TSPAN6: variants seen among roughly 807,000 people sequenced by gnomAD.
TSPAN6 encodes the protein tetraspanin 6, also known as tetraspanin-6.
A neutral mutation model predicts 18.0 loss-of-function variants in TSPAN6; 13 were observed. The observed-to-expected ratio is 0.72, with a 90% CI of 0.47 to 1.15. The LOEUF (loss-of-function observed/expected upper bound fraction) is 1.15, where lower values mean the gene tolerates loss of function less well. TSPAN6 is among the 50% of genes most tolerant of loss of function. The pLI is 0.00. For synonymous variants in TSPAN6, 82 were observed against 67.0 expected, an observed-to-expected ratio of 1.22 and a Z score of -1.09; for missense variants, 186 against 183.9, an observed-to-expected ratio of 1.01 and a Z score of -0.07.
intron 7 of TSPAN6, among the ~76,000 whole-genome samples, chrX:100,630,404 TAAG>T (rs1413953955): frequency 8.9e-6 from 1 of 111,965 alleles, no homozygotes; most frequent in Non-Finnish European, 1.9e-5. Context: ...ACCTCACGAA[TAAG>T]GTCATTCTTG....
chrX:100,633,244 G>A (rs2083072151), intron 5 of TSPAN6, among the ~76,000 whole-genome samples, 161 bp downstream of exon 5: 2 of 111,578 alleles, frequency 1.8e-5, no homozygotes, highest in African/African-American at 6.5e-5. Flanking sequence ...GCGTGAACCT[G>A]GAAGGCGGAG....
At chrX:100,634,871 C>T (rs2083084037) in intron 3 of TSPAN6, among the ~76,000 whole-genome samples, 1 of 111,936 alleles carries the variant, frequency 8.9e-6, no homozygotes, top group Non-Finnish European at 1.9e-5. Context: ...AGAAGGTTAT[C>T]AATTTTGTGC....
At position 100,633,424 on chromosome X, in the gene TSPAN6, G is replaced by A. The variant is rs2083073475; in HGVS notation, c.566C>T (p.Ala189Val). 1 of 1,208,655 alleles carries A rather than the reference G, an allele frequency of 8.3e-7. No homozygotes were observed. Among genetic ancestry groups the A allele is most frequent in the Non-Finnish European group, 1.1e-6 (1 of 893,819 alleles). Reference protein sequence around the residue: ...KLEDCTPQRDADKVNNEGCFI... With the variant: ...KLEDCTPQRDVDKVNNEGCFI... ...CCTTACTTCATTGTTTACTTTGTCT[G>A]CATCTCTCTGTGGAGTACAATCTTC... The change falls in exon 5 of 8, where the codon GCA becomes GTA. Residue 189 changes from alanine (A) to valine (V), a missense_variant. Physicochemically the swap from Ala to Val is moderately conservative, Grantham distance 64. Coordinates refer to ENST00000373020, the MANE Select transcript of TSPAN6 (RefSeq NM_003270.4).
intron 5 of TSPAN6, 108 bp downstream of exon 5, chrX:100,633,297 C>A: frequency 1.2e-6 from 1 of 806,260 alleles, no homozygotes; most frequent in Non-Finnish European, 1.8e-6. Context: ...CCAGCCTGGG[C>A]GACAGAGCAA....
At position 100,629,989 on chromosome X, in the gene TSPAN6, A is replaced by T; in HGVS notation, c.*40-3T>A. ...TCACAGGGGGGACCCTAAATGTCCT[A>T]AAATTAAAGAAAAAAAGTTAATGTA... is the stretch of plus-strand genomic sequence containing the variant. On this transcript the variant is annotated splice_polypyrimidine_tract_variant and splice_region_variant and intron_variant, in intron 7 of 7. Transcript: ENST00000373020. 1 of 751,559 alleles carries T rather than the reference A, an allele frequency of 1.3e-6. No individual in the cohort carries two copies. Among genetic ancestry groups the T allele is most frequent in the African/African-American group, 2.3e-5 (1 of 43,673 alleles). 61.9% of individuals were successfully genotyped at this position (751,559 alleles called of 1,213,427 possible).
At chrX:100,635,842 A>G in intron 1 of TSPAN6, 96 bp from the exon 2 acceptor site, 1 of 696,452 alleles carries the variant, frequency 1.4e-6, no homozygotes, top group East Asian at 3.9e-5. Context: ...CAATAGGTGT[A>G]ATATGCTGGG....
rs747914952 is a variant in TSPAN6 at position 100,632,503 on chromosome X, A to G, written c.651T>C (p.Phe217=). 1.7e-6 allele frequency: 2 copies of G among 1,207,566 alleles called. No individual in the cohort carries two copies. Among genetic ancestry groups the G allele is most frequent in the Admixed American group, 4.4e-5 (2 of 45,642 alleles). Residue 217 remains phenylalanine (F), a synonymous_variant, in exon 6 of 8, where the codon TTT becomes TTC. Transcript: ENST00000373020. ...SEMGVVAGIS[F]GVACFQLIGI... ...AACTTACTTGGAAGCAAGCAACTCC[A>G]AAGGAAATTCCTGCAACGACTCCCA...
Position 100,630,814 on chromosome X carries a change from T to C in TSPAN6, c.722A>G (p.Gln241Arg). 8.3e-7 allele frequency: 1 copy of C among 1,211,019 alleles called. No individual in the cohort carries two copies. Among genetic ancestry groups the C allele is most frequent in the African/African-American group, 1.7e-5 (1 of 57,868 alleles). ...YCLSRAITNN[Q>R]YEIV ...TACATTGGGTTACACTATCTCATACTGGTTATTTGTTATGGCACGAGAGAG... is the reference window on the plus strand; with the variant it reads ...TACATTGGGTTACACTATCTCATACCGGTTATTTGTTATGGCACGAGAGAG... Residue 241 changes from glutamine (Q) to arginine (R), a missense_variant, in exon 7 of 8, where the codon CAG becomes CGG. Gln to Arg is a conservative substitution (Grantham distance 43). Transcript: ENST00000373020.
At chrX:100,631,105 G>GT (rs2083056472) in intron 6 of TSPAN6, among the ~76,000 whole-genome samples, 1 of 111,683 alleles carries the variant, frequency 9.0e-6, no homozygotes, top group South Asian at 3.7e-4. Flanking sequence ...ACTCACTCAA[G>GT]GAAAATTCAG....
chrX:100,629,307 T>C lies in TSPAN6; in HGVS notation c.*719A>G, dbSNP rs1473888692. ...ATGTAAGTTGTGTGCTGAAACCTGA[T>C]GTATCACAGAACATCAGTAGTCCCT... On this transcript the variant is annotated 3_prime_UTR_variant, in exon 8 of 8. Transcript: ENST00000373020. 3 of 112,001 alleles carry C rather than the reference T, an allele frequency of 2.7e-5. No individual in the cohort carries two copies. The highest frequency in any genetic ancestry group is 5.6e-4 in the East Asian group (2 of 3,588). 9.2% of individuals were successfully genotyped at this position (112,001 alleles called of 1,213,427 possible).
chrX:100,630,694 G>T, intron 7 of TSPAN6, 65 bp downstream of exon 7: 1 of 802,908 alleles, frequency 1.2e-6, no homozygotes, highest in Non-Finnish European at 1.8e-6. Flanking sequence ...CTTAGTCCAT[G>T]CATCACATAC....
At position 100,635,607 on chromosome X, in the gene TSPAN6, G is replaced by A; in HGVS notation, c.227C>T (p.Thr76Ile). 8.3e-7 allele frequency: 1 copy of A among 1,201,928 alleles called. No homozygotes were observed. The highest frequency in any genetic ancestry group is 1.1e-6 in the Non-Finnish European group (1 of 889,594). ...TCGGCAGGTAGCAAAACAACCAAAG[G>A]TGCCCAAAAGAATAATGACGGTACC... ...ATGTVIILLG[T>I]FGCFATCRAS... The change falls in exon 2 of 8, where the codon ACC becomes ATC. Residue 76 changes from threonine (T) to isoleucine (I), a missense_variant. Thr to Ile is a moderately conservative substitution (Grantham distance 89). Transcript: ENST00000373020.
At chrX:100,634,520 C>T (rs1317800405) in intron 3 of TSPAN6, among the ~76,000 whole-genome samples, 1 of 109,565 alleles carries the variant, frequency 9.1e-6, no homozygotes, top group East Asian at 2.9e-4. Flanking sequence ...GAGATGGAGT[C>T]TCGCTCTGCT....
rs1448961280 is a variant in TSPAN6 at position 100,629,877 on chromosome X, C to T, written c.*149G>A. 9 of 452,239 alleles carry T rather than the reference C, an allele frequency of 2.0e-5. No individual in the cohort carries two copies. Among genetic ancestry groups the T allele is most frequent in the Non-Finnish European group, 2.5e-5 (9 of 364,675 alleles). The allele number at this position is 452,239 out of a possible 1,213,427, so 37.3% of individuals were successfully genotyped here. A position where few individuals can be genotyped will look rare whatever the true frequency, so the allele number is the denominator to read the frequency against. On this transcript the variant is annotated 3_prime_UTR_variant, in exon 8 of 8. Coordinates refer to ENST00000373020, the MANE Select transcript of TSPAN6 (RefSeq NM_003270.4). ...ATTGGTGTAGTTTTAGGTCTACATA[C>T]ATCTTGATTGAATCAACCTACTGGT...
At position 100,634,027 on chromosome X, in the gene TSPAN6, A is replaced by C. The variant is rs983358336; in HGVS notation, c.354T>G (p.Ile118Met). ...AIVGFVFRHE[I>M]KNSFKNNYEK... The stretch of plus-strand genomic sequence containing the variant: ...CATAATTATTCTTAAAGCTGTTCTT[A>C]ATCTATAGCAAAGAAACACAATGTC... The change falls in exon 4 of 8, where the codon ATT becomes ATG. Residue 118 changes from isoleucine to methionine, a missense_variant and splice_region_variant. Ile to Met is a conservative substitution (Grantham distance 10). Coordinates refer to ENST00000373020, the MANE Select transcript of TSPAN6 (RefSeq NM_003270.4). 8.6e-7 allele frequency: 1 copy of C among 1,165,224 alleles called. No homozygotes were observed.
At position 100,635,623 on chromosome X, in the gene TSPAN6, T is replaced by C. The variant is rs770266959; in HGVS notation, c.211A>G (p.Ile71Val). Reference sequence around the variant, plus strand: ...CAACCAAAGGTGCCCAAAAGAATAATGACGGTACCAGTAGCAATGAGCACG... The same window carrying C: ...CAACCAAAGGTGCCCAAAAGAATAACGACGGTACCAGTAGCAATGAGCACG... ...PFVLIATGTV[I>V]ILLGTFGCFA... is the part of the protein sequence containing the mutation. The change falls in exon 2 of 8, where the codon ATT becomes GTT. Residue 71 changes from isoleucine (I) to valine (V), a missense_variant. Physicochemically the swap from Ile to Val is conservative, Grantham distance 29. Coordinates refer to ENST00000373020, the MANE Select transcript of TSPAN6 (RefSeq NM_003270.4). 97 of 1,201,294 alleles carry C rather than the reference T, an allele frequency of 8.1e-5. No homozygotes were observed. The Middle Eastern group carries it at 1.4e-3, about 17-fold the overall frequency.
Position 100,627,497 on chromosome X carries a change from T to G in TSPAN6, c.*2529A>C, listed in dbSNP as rs1054960999. 2 of 111,855 alleles carry G rather than the reference T, an allele frequency of 1.8e-5. No individual in the cohort carries two copies. The highest frequency in any genetic ancestry group is 6.5e-5 in the African/African-American group (2 of 30,728). 9.2% of individuals were successfully genotyped at this position (111,855 alleles called of 1,213,427 possible). On this transcript the variant is annotated 3_prime_UTR_variant, in exon 8 of 8. Transcript: ENST00000373020. ...TACTGCCTCCAGTGGAAACTGGATC[T>G]CTCTCTCCAATCTAGTGATCCCTCT...
At chrX:100,634,440 C>T (rs1245583829) in intron 3 of TSPAN6, among the ~76,000 whole-genome samples, 1 of 111,602 alleles carries the variant, frequency 9.0e-6, no homozygotes, top group Non-Finnish European at 1.9e-5. Flanking sequence ...GCCTTTGCTA[C>T]TCACCGAATG....
chrX:100,632,391 G>A (rs910969186), intron 6 of TSPAN6, 94 bp downstream of exon 6: 10 of 652,610 alleles, frequency 1.5e-5, no homozygotes, highest in Non-Finnish European at 2.2e-5. Flanking sequence ...TGGCAACCGA[G>A]CAAGACTCCA....
Sources: allele counts gnomAD v4.1 joint callset (sites outside exome capture counted in the v4.1 genomes callset), GRCh38; gene constraint gnomAD v4.1.1; transcripts MANE v1.5; gene names NCBI Gene and HGNC (gene_info 2026-07-23, HGNC 2026-07-21).